Variants in COL4A6 observed in about 807,000 individuals in gnomAD.
COL4A6 encodes the protein collagen type IV alpha 6 chain.
COL4A6 carries 59 observed loss-of-function variants against 126.7 expected under a neutral mutation model. The observed-to-expected ratio is 0.47, with a 90% confidence interval of 0.38 to 0.58. COL4A6 has a LOEUF of 0.58. Among genes scored for constraint, COL4A6 ranks in the 20% least tolerant of loss-of-function variants. The pLI is 0.00. For synonymous variants in COL4A6, 547 were observed against 496.6 expected (o/e 1.10, Z -1.35); for missense variants, 1,285 against 1,337.3 (o/e 0.96, Z 0.61).
intron 3 of COL4A6, among the ~76,000 whole-genome samples, chrX:108,227,936 C>T (rs752174506): frequency 9.0e-6 from 1 of 111,532 alleles, no homozygotes; most frequent in Non-Finnish European, 1.9e-5. Context: ...ATGATAGTTG[C>T]AATAGAGTGC....
intron 3 of COL4A6, among the ~76,000 whole-genome samples, chrX:108,302,508 C>A (rs893274435): frequency 5.4e-5 from 6 of 111,504 alleles, no homozygotes; most frequent in African/African-American, 2.0e-4. Flanking sequence ...TGAGCTCTGC[C>A]ATGTGCTTAC....
intron 11 of COL4A6, among the ~76,000 whole-genome samples, chrX:108,204,882 C>T (rs368057684): frequency 1.5e-4 from 17 of 110,224 alleles, no homozygotes; most frequent in African/African-American, 4.9e-4. Flanking sequence ...TTCTCAGCCT[C>T]GCTTGAGGCT....
Position 108,161,696 on chromosome X carries a change from G to T in COL4A6, c.4256C>A (p.Pro1419His), listed in dbSNP as rs1464214127. ...CCCAGGTGGGCCTGGGAGCCCACTG[G>T]GGCCATCTTTACCGGGGATGCCAGG... is the stretch of plus-strand genomic sequence containing the variant. ...GLPGIPGKDG[P>H]SGLPGPPGAL... The change falls in exon 42 of 45, where the codon CCC becomes CAC. Residue 1419 changes from proline to histidine, a missense_variant. Pro to His is a moderately conservative substitution (Grantham distance 77). Transcript: ENST00000334504. The T allele has an allele frequency of 8.3e-7, 1 of 1,207,323 alleles. No homozygotes were observed. The highest frequency in any genetic ancestry group is 3.0e-5 in the East Asian group (1 of 33,628).
At chrX:108,189,377 G>C (rs2034965503) in intron 20 of COL4A6, among the ~76,000 whole-genome samples, 1 of 112,084 alleles carries the variant, frequency 8.9e-6, no homozygotes, top group Non-Finnish European at 1.9e-5. Context: ...TAATCGATCA[G>C]TCTCAGGAGG....
intron 2 of COL4A6, among the ~76,000 whole-genome samples, chrX:108,407,306 A>C (rs2041226800): frequency 1.8e-5 from 2 of 112,221 alleles, no homozygotes; most frequent in South Asian, 7.3e-4. Flanking sequence ...GGAAGTTCCA[A>C]CTGAGGAACT....
chrX:108,173,725 A>C (rs1282644755), intron 31 of COL4A6, among the ~76,000 whole-genome samples: 1 of 112,135 alleles, frequency 8.9e-6, no homozygotes, highest in Non-Finnish European at 1.9e-5. Flanking sequence ...TATTATTCCC[A>C]ATTTTTACAG....
At chrX:108,366,331 A>T (rs1291826202) in intron 2 of COL4A6, among the ~76,000 whole-genome samples, 5 of 111,996 alleles carry the variant, frequency 4.5e-5, no homozygotes, top group African/African-American at 1.6e-4. Context: ...ACCAATTTTT[A>T]TCACTACCAC....
At chrX:108,410,539 G>A (rs1051669892) in intron 2 of COL4A6, among the ~76,000 whole-genome samples, 3 of 111,294 alleles carry the variant, frequency 2.7e-5, no homozygotes, top group Non-Finnish European at 5.7e-5. Context: ...GGCAATAGTG[G>A]TTTCTGGATA....
In COL4A6 at chrX:108,396,825, G is replaced by A. The variant is rs200533873; in HGVS notation, c.63+41117C>T. Among the ~76,000 whole-genome samples, 25 of 111,563 alleles carry A rather than the reference G, an allele frequency of 2.2e-4. 1 individual carries two copies. In the East Asian group the frequency reaches 6.5e-3, roughly 29 times the overall value. On this transcript the variant is annotated intron_variant, in intron 2 of 44. Coordinates refer to ENST00000334504, the MANE Select transcript of COL4A6 (RefSeq NM_033641.4). ...ATGAGCTCCCTTTCTCTGCCTGTTCGATTTCTATGTCTCTTTCAAGGCCTA... is the reference window on the plus strand; with the variant it reads ...ATGAGCTCCCTTTCTCTGCCTGTTCAATTTCTATGTCTCTTTCAAGGCCTA...
At chrX:108,338,721 G>A (rs961172881) in intron 2 of COL4A6, among the ~76,000 whole-genome samples, 1 of 112,204 alleles carries the variant, frequency 8.9e-6, no homozygotes, top group Non-Finnish European at 1.9e-5. Context: ...AGATTGCACT[G>A]TTGCAAACAA....
chrX:108,245,369 T>G (rs2036689845), intron 3 of COL4A6, among the ~76,000 whole-genome samples: 1 of 111,837 alleles, frequency 8.9e-6, no homozygotes, highest in Non-Finnish European at 1.9e-5. Flanking sequence ...TTGTCAGCAT[T>G]TACAGGAATC....
Position 108,205,649 on chromosome X carries a change from A to C in COL4A6, c.645+11T>G. 8.3e-7 allele frequency: 1 copy of C among 1,206,680 alleles called. No homozygotes were observed. On this transcript the variant is annotated intron_variant, in intron 10 of 44. Transcript: ENST00000334504. ...TAGGAAGCAAAATGCCCTAAGACAA[A>C]GTATACTTACATCAGGACCAAGAGG...
Position 108,159,633 on chromosome X carries a change from G to C in COL4A6, c.4641C>G (p.Thr1547=), listed in dbSNP as rs776767877. 4.1e-6 allele frequency: 5 copies of C among 1,212,239 alleles called. No individual in the cohort carries two copies. In the African/African-American group the frequency reaches 5.2e-5, roughly 13 times the overall value. Reference sequence around the variant, plus strand: ...TGACGGGCATCATGGGGATAGGGGCGGTAGTGGAGAGCCAGTAAGATTTAT... The same window carrying C: ...TGACGGGCATCATGGGGATAGGGGCCGTAGTGGAGAGCCAGTAAGATTTAT... ...RNDKSYWLST[T]APIPMMPVSQ... The change falls in exon 44 of 45, where the codon ACC becomes ACG. Residue 1547 remains threonine, a synonymous_variant. Coordinates refer to ENST00000334504, the MANE Select transcript of COL4A6 (RefSeq NM_033641.4).
At chrX:108,370,299 T>G (rs1421345709) in intron 2 of COL4A6, among the ~76,000 whole-genome samples, 1 of 111,993 alleles carries the variant, frequency 8.9e-6, no homozygotes, top group East Asian at 2.8e-4. Flanking sequence ...ACAACTCCCT[T>G]TATTTTCTTC....
intron 3 of COL4A6, among the ~76,000 whole-genome samples, chrX:108,305,886 GT>G (rs1268883274): frequency 8.9e-6 from 1 of 112,074 alleles, no homozygotes; most frequent in Non-Finnish European, 1.9e-5. Flanking sequence ...CATGTTTATG[GT>G]GCCAGTGAAA....
At chrX:108,391,812 G>A (rs2040845586) in intron 2 of COL4A6, among the ~76,000 whole-genome samples, 1 of 112,479 alleles carries the variant, frequency 8.9e-6, no homozygotes. Context: ...GCCCCACCCT[G>A]CTTTGGCTCG....
At chrX:108,230,225 C>T (rs748990062) in intron 3 of COL4A6, among the ~76,000 whole-genome samples, 14 of 111,458 alleles carry the variant, frequency 1.3e-4, no homozygotes, top group Admixed American at 3.8e-4. Context: ...ACCATATCCC[C>T]GGAGATGCAG....
intron 5 of COL4A6, 26 bp downstream of exon 5, chrX:108,219,672 A>G: frequency 1.7e-6 from 2 of 1,195,119 alleles, no homozygotes. Context: ...GGAGGATATG[A>G]AAAATTCATC....
intron 3 of COL4A6, among the ~76,000 whole-genome samples, chrX:108,276,640 T>C (rs2147783295): frequency 8.9e-6 from 1 of 111,848 alleles, no homozygotes; most frequent in Admixed American, 9.5e-5. Flanking sequence ...CTTACTGATC[T>C]CTCCTTTTTT....
Sources: gnomAD v4.1 joint callset for allele counts (sites outside exome capture counted in the v4.1 genomes callset) on GRCh38, gnomAD v4.1.1 for gene constraint, MANE v1.5 for transcripts, NCBI Gene and HGNC (gene_info 2026-07-23, HGNC 2026-07-21) for gene names.